Variants in CDH13 observed in about 807,000 individuals in gnomAD.
CDH13 encodes the protein cadherin-13.
Under a neutral mutation model 63.8 loss-of-function variants are expected in CDH13, and 24 were observed. The observed-to-expected ratio is 0.38, with a 90% CI of 0.27 to 0.53. The LOEUF (loss-of-function observed/expected upper bound fraction) is 0.53. Among genes scored for constraint, CDH13 ranks in the 20% least tolerant of loss-of-function variants. CDH13 has a pLI of 0.85. For synonymous variants in CDH13, 503 were observed against 355.3 expected (o/e 1.42, Z -4.67); for missense variants, 1,049 against 903.1 (o/e 1.16, Z -2.07).
At chr16:83,270,424 A>G (rs1157575818) in intron 5 of CDH13, among the ~76,000 whole-genome samples, 1 of 152,210 alleles carries the variant, frequency 6.6e-6, no homozygotes, top group African/African-American at 2.4e-5. Context: ...AATTACAACC[A>G]TTGCTGCACA....
chr16:83,104,827 C>G lies in CDH13; in HGVS notation c.367-20558C>G, dbSNP rs762508202. ...ACATTATGAAGCTAACGAACAAAAACAAGCCATGTAGATAAAACCAGGAGA... is the reference window on the plus strand; with the variant it reads ...ACATTATGAAGCTAACGAACAAAAAGAAGCCATGTAGATAAAACCAGGAGA... On this transcript the variant is annotated intron_variant, in intron 3 of 13. Coordinates refer to ENST00000567109, the MANE Select transcript of CDH13 (RefSeq NM_001257.5). Among the ~76,000 whole-genome samples the G allele has an allele frequency of 1.1e-4, 16 of 152,124 alleles. 1 individual carries two copies. Among genetic ancestry groups the G allele is most frequent in the African/African-American group, 1.7e-4 (7 of 41,432 alleles).
intron 1 of CDH13, among the ~76,000 whole-genome samples, chr16:82,665,085 C>T (rs1399130090): frequency 6.6e-6 from 1 of 152,164 alleles, no homozygotes; most frequent in African/African-American, 2.4e-5. Flanking sequence ...GTATATGCTT[C>T]CAGGTGCATT....
intron 3 of CDH13, among the ~76,000 whole-genome samples, chr16:83,053,406 A>G (rs2030592799): frequency 3.3e-5 from 5 of 152,144 alleles, no homozygotes; most frequent in Non-Finnish European, 5.9e-5. Flanking sequence ...GTATCAGAAG[A>G]CACACTCACA....
rs76623643 is a variant in CDH13 at position 82,760,221 on chromosome 16, G to A, written c.46-98141G>A. Reference sequence around the variant, plus strand: ...TAGACATAAGCACCCGGCTCATTGCGGGTACTTACTGAGGGGGTAGAAGGA... The same window carrying A: ...TAGACATAAGCACCCGGCTCATTGCAGGTACTTACTGAGGGGGTAGAAGGA... On this transcript the variant is annotated intron_variant, in intron 1 of 13. Coordinates refer to ENST00000567109, the MANE Select transcript of CDH13 (RefSeq NM_001257.5). Among the ~76,000 whole-genome samples the A allele has an allele frequency of 1.2e-4, 18 of 152,198 alleles. No individual in the cohort carries two copies. The East Asian group carries it at 2.5e-3, about 21-fold the overall frequency.
At chr16:83,411,032 T>C (rs1305601371) in intron 6 of CDH13, among the ~76,000 whole-genome samples, 1 of 152,340 alleles carries the variant, frequency 6.6e-6, no homozygotes, top group East Asian at 1.9e-4. Flanking sequence ...CCATATCCAG[T>C]TGGTCACTTG....
intron 1 of CDH13, among the ~76,000 whole-genome samples, chr16:82,753,015 T>A (rs2034478821): frequency 6.6e-6 from 1 of 152,240 alleles, no homozygotes; most frequent in East Asian, 1.9e-4. Context: ...TGCCTTTGCT[T>A]TTAAGATTAT....
intron 6 of CDH13, among the ~76,000 whole-genome samples, chr16:83,403,129 G>A (rs2091992536): frequency 6.6e-6 from 1 of 152,112 alleles, no homozygotes; most frequent in Non-Finnish European, 1.5e-5. Context: ...GCCCCATTTT[G>A]TTATAATGAA....
In CDH13 at chr16:83,151,933, G is replaced by A. The variant is rs974678507; in HGVS notation, c.483+26432G>A. Among the ~76,000 whole-genome samples the A allele has an allele frequency of 1.6e-4, 24 of 149,886 alleles. 1 individual carries two copies. The highest frequency in any genetic ancestry group is 2.9e-5 in the Non-Finnish European group (2 of 67,814). ...GCCAAGATCGCGCCATTGCGCTCCAGCCTGGGCAACAAAAAAAAAAGAAAA... is the reference window on the plus strand; with the variant it reads ...GCCAAGATCGCGCCATTGCGCTCCAACCTGGGCAACAAAAAAAAAAGAAAA... On this transcript the variant is annotated intron_variant, in intron 4 of 13. Coordinates refer to ENST00000567109, the MANE Select transcript of CDH13 (RefSeq NM_001257.5).
intron 3 of CDH13, among the ~76,000 whole-genome samples, chr16:83,044,834 G>T (rs1488101931): frequency 6.6e-6 from 1 of 152,124 alleles, no homozygotes; most frequent in African/African-American, 2.4e-5. Context: ...TAGCTCCCCA[G>T]CAGCTGCTCG....
chr16:83,029,718 GTTAGGAATT>G (rs920208530), intron 2 of CDH13, among the ~76,000 whole-genome samples: 6 of 152,246 alleles, frequency 3.9e-5, no homozygotes, highest in Non-Finnish European at 8.8e-5. Context: ...TGGGGAAGAG[GTTAGGAATT>G]TTACTCAGGA....
At chr16:83,187,249 C>T (rs13332428) in intron 4 of CDH13, among the ~76,000 whole-genome samples, 4 of 152,176 alleles carry the variant, frequency 2.6e-5, no homozygotes, top group East Asian at 3.9e-4. Flanking sequence ...GAATTACAGG[C>T]GTAAGCCACC....
At chr16:82,852,924 C>G (rs1442003068) in intron 1 of CDH13, among the ~76,000 whole-genome samples, 1 of 152,094 alleles carries the variant, frequency 6.6e-6, no homozygotes, top group Non-Finnish European at 1.5e-5. Context: ...TCTCTGGAAG[C>G]AAACTCCAAA....
At chr16:82,895,100 G>A (rs1210251764) in intron 2 of CDH13, among the ~76,000 whole-genome samples, 4 of 152,168 alleles carry the variant, frequency 2.6e-5, no homozygotes, top group African/African-American at 4.8e-5. Context: ...CAATTCAGTG[G>A]CATTTAGCGT....
intron 1 of CDH13, among the ~76,000 whole-genome samples, chr16:82,647,556 G>T (rs558070243): frequency 6.6e-6 from 1 of 152,288 alleles, no homozygotes; most frequent in African/African-American, 2.4e-5. Flanking sequence ...TTGAGAATCA[G>T]TGTGGAATAC....
intron 7 of CDH13, among the ~76,000 whole-genome samples, chr16:83,529,588 A>G (rs1390059605): frequency 6.6e-6 from 1 of 152,186 alleles, no homozygotes; most frequent in Non-Finnish European, 1.5e-5. Context: ...GAAAAAAATC[A>G]TAAAAATTCC....
chr16:83,419,129 G>A (rs908143835), intron 6 of CDH13, among the ~76,000 whole-genome samples: 9 of 152,092 alleles, frequency 5.9e-5, no homozygotes, highest in African/African-American at 2.2e-4. Flanking sequence ...CCTGACAGCT[G>A]TCGTTTTGTG....
chr16:83,434,708 C>G (rs2072233430), intron 6 of CDH13, among the ~76,000 whole-genome samples: 2 of 151,800 alleles, frequency 1.3e-5, no homozygotes, highest in East Asian at 3.9e-4. Context: ...GATGTCACCC[C>G]TCAATATGTC....
At chr16:83,500,252 C>G (rs867011161) in intron 7 of CDH13, among the ~76,000 whole-genome samples, 34 of 2,332 alleles carry the variant, frequency 0.015, 1 homozygote, top group Admixed American at 0.023. Flanking sequence ...TCTTCTTCTT[C>G]TTCTTCTTCT....
chr16:83,133,792 C>A (rs892943475), intron 4 of CDH13, among the ~76,000 whole-genome samples: 1 of 152,192 alleles, frequency 6.6e-6, no homozygotes, highest in Non-Finnish European at 1.5e-5. Flanking sequence ...ACCCACTGAG[C>A]CCGGCCCATG....
Sources: allele counts gnomAD v4.1 joint callset (sites outside exome capture counted in the v4.1 genomes callset), GRCh38; gene constraint gnomAD v4.1.1; transcripts MANE v1.5; gene names NCBI Gene and HGNC (gene_info 2026-07-23, HGNC 2026-07-21).